FKBP5: variants seen among roughly 807,000 people sequenced by gnomAD.
FKBP5 encodes the protein FKBP prolyl isomerase 5.
A neutral mutation model predicts 50.5 loss-of-function variants in FKBP5; 23 were observed. That is an observed-to-expected ratio of 0.46 (90% confidence interval 0.33 to 0.65). The LOEUF (loss-of-function observed/expected upper bound fraction) is 0.65, where lower values mean the gene tolerates loss of function less well. Among genes scored for constraint, FKBP5 ranks in the 30% least tolerant of loss-of-function variants. FKBP5 has a pLI of 0.02. For synonymous variants in FKBP5, 176 were observed against 190.6 expected (o/e 0.92, Z 0.63); for missense variants, 411 against 553.1 (o/e 0.74, Z 2.58).
chr6:35,693,381 T>C (rs1354994359), upstream of FKBP5, among the ~76,000 whole-genome samples: 1 of 151,812 alleles, frequency 6.6e-6, no homozygotes, highest in East Asian at 1.9e-4. Flanking sequence ...GCCAGGATGG[T>C]CTCAATCGCC....
chr6:35,670,423 A>C (rs1765352788), intron 1 of FKBP5, among the ~76,000 whole-genome samples: 1 of 152,200 alleles, frequency 6.6e-6, no homozygotes, highest in Admixed American at 6.5e-5. Context: ...ATCATAAAAA[A>C]TTAACTTACA....
At chr6:35,640,992 T>C (rs1764469695) in intron 2 of FKBP5, among the ~76,000 whole-genome samples, 1 of 152,158 alleles carries the variant, frequency 6.6e-6, no homozygotes, top group Admixed American at 6.5e-5. Context: ...TTTGTTCATT[T>C]GTTTTTGAGA....
At chr6:35,641,992 C>CAT (rs1764505124) in intron 2 of FKBP5, among the ~76,000 whole-genome samples, 1 of 140,302 alleles carries the variant, frequency 7.1e-6, no homozygotes, top group African/African-American at 2.6e-5. Context: ...GACTCTGTCT[C>CAT]AAAATAAAAT....
chr6:35,582,568 A>C, intron 8 of FKBP5: 3 of 758,092 alleles, frequency 4.0e-6, no homozygotes, highest in Non-Finnish European at 3.2e-6. Flanking sequence ...CCCTCCCCAG[A>C]CACTGATCCT....
chr6:35,690,100 G>GC (rs1765955397), upstream of FKBP5, among the ~76,000 whole-genome samples: 1 of 152,204 alleles, frequency 6.6e-6, no homozygotes, highest in Non-Finnish European at 1.5e-5. Context: ...CTCCAAACCT[G>GC]CTCTCTTTGC....
Position 35,660,627 on chromosome 6 carries a change from T to A in FKBP5, c.-19-17784A>T, listed in dbSNP as rs945653387. ...CTATCTTATTAAATGTCCTGTGCTG[T>A]GTGCAACTGAAAAGAATGTGTATTC... is the stretch of plus-strand genomic sequence containing the variant. On this transcript the variant is annotated intron_variant, in intron 1 of 10. Transcript: ENST00000357266. Among the ~76,000 whole-genome samples, 6 of 83,478 alleles carry A rather than the reference T, an allele frequency of 7.2e-5. 2 individuals carry two copies. Among genetic ancestry groups the A allele is most frequent in the Non-Finnish European group, 1.6e-4 (6 of 36,614 alleles). 54.8% of individuals were successfully genotyped at this position (83,478 alleles called of 152,430 possible).
At chr6:35,693,459 G>A (rs989498365), upstream of FKBP5, among the ~76,000 whole-genome samples, 7 of 150,970 alleles carry the variant, frequency 4.6e-5, no homozygotes, top group Middle Eastern at 3.4e-3. Flanking sequence ...CACTGCGCCC[G>A]GCCAGTTATT....
At chr6:35,653,352 T>C (rs547176411) in intron 1 of FKBP5, among the ~76,000 whole-genome samples, 25 of 152,284 alleles carry the variant, frequency 1.6e-4, no homozygotes, top group Middle Eastern at 6.8e-3. Context: ...ACCCTGTCTC[T>C]TAATAAAAAA....
At chr6:35,655,284 G>C (rs193028956) in intron 1 of FKBP5, among the ~76,000 whole-genome samples, 1 of 152,294 alleles carries the variant, frequency 6.6e-6, no homozygotes, top group Admixed American at 6.5e-5. Flanking sequence ...CACTATTGTA[G>C]TGGAGATACA....
At chr6:35,620,519 A>G (rs1376741234) in intron 3 of FKBP5, among the ~76,000 whole-genome samples, 1 of 151,336 alleles carries the variant, frequency 6.6e-6, no homozygotes, top group Non-Finnish European at 1.5e-5. Context: ...GCTTGAGTCC[A>G]GGAATTTGAC....
upstream of FKBP5, among the ~76,000 whole-genome samples, chr6:35,690,282 A>G (rs1383627954): frequency 1.3e-5 from 2 of 152,182 alleles, no homozygotes; most frequent in African/African-American, 2.4e-5. Flanking sequence ...GAGCCTGACC[A>G]ACATGGAGAA....
intron 8 of FKBP5, chr6:35,584,608 G>T (rs1762544759): frequency 1.0e-6 from 1 of 985,440 alleles, no homozygotes. Flanking sequence ...AAGTTTTACA[G>T]CTAACGCTAG....
chr6:35,616,314 C>CAAAAAAAAAAAAAAAAAAAAAAAAAA (rs34779549), intron 5 of FKBP5, among the ~76,000 whole-genome samples: 2 of 57,452 alleles, frequency 3.5e-5, no homozygotes, highest in African/African-American at 7.5e-5. Context: ...GACTCCATCT[C>CAAAAAAAAAAAAAAAAAAAAAAAAAA]AAAAAAAAAA....
chr6:35,703,024 C>A (rs533912318), intron 2 of FKBP5, among the ~76,000 whole-genome samples: 1 of 152,242 alleles, frequency 6.6e-6, no homozygotes, highest in South Asian at 2.1e-4. Flanking sequence ...CCAAGGCGGG[C>A]AGATCACCTG....
In FKBP5 at chr6:35,618,301, TG is replaced by T. The variant is rs763008083; in HGVS notation, c.508+794del. Among the ~76,000 whole-genome samples the T allele has an allele frequency of 5.9e-5, 9 of 152,370 alleles. No homozygotes were observed. In the East Asian group the frequency reaches 1.3e-3, roughly 23 times the overall value. ...TATTCATTTTTGAGTTTGTAGAGGCTGGTAGCATGCCTGACACGTAGATGTT... is the reference window on the plus strand; with the variant it reads ...TATTCATTTTTGAGTTTGTAGAGGCTGTAGCATGCCTGACACGTAGATGTT... On this transcript the variant is annotated intron_variant, in intron 5 of 10. Coordinates refer to ENST00000357266, the MANE Select transcript of FKBP5 (RefSeq NM_004117.4).
At chr6:35,586,805 A>AG in intron 8 of FKBP5, 1 of 1,406,778 alleles carries the variant, frequency 7.1e-7, no homozygotes, top group Non-Finnish European at 9.3e-7. Context: ...CCTGTATGGA[A>AG]GGTTACAATC....
chr6:35,602,479 A>G (rs916713628), intron 5 of FKBP5, among the ~76,000 whole-genome samples: 2 of 152,080 alleles, frequency 1.3e-5, no homozygotes, highest in Non-Finnish European at 2.9e-5. Flanking sequence ...AGAGAAAACC[A>G]GGTTGTGACA....
At chr6:35,690,171 A>G (rs187311888), upstream of FKBP5, among the ~76,000 whole-genome samples, 165 of 152,336 alleles carry the variant, frequency 1.1e-3, 2 homozygotes, top group African/African-American at 3.8e-3. Flanking sequence ...GCTGCCTTCA[A>G]GAGATGATGC....
intron 3 of FKBP5, among the ~76,000 whole-genome samples, chr6:35,622,381 T>C (rs151248491): frequency 2.1e-3 from 326 of 152,136 alleles, no homozygotes; most frequent in South Asian, 8.3e-3. Context: ...CATGGTGGCA[T>C]ATGCTTGTAG....
Sources: allele counts gnomAD v4.1 joint callset (sites outside exome capture counted in the v4.1 genomes callset), GRCh38; gene constraint gnomAD v4.1.1; transcripts MANE v1.5; gene names NCBI Gene and HGNC (gene_info 2026-07-23, HGNC 2026-07-21).